The following ZFPM1 variants were observed in gnomAD, a reference collection of about 807,000 sequenced individuals.
ZFPM1 encodes the protein zinc finger protein ZFPM1.
In ZFPM1, 28 loss-of-function variants were observed where a neutral mutation model predicts 46.3. The observed-to-expected ratio is 0.60, with a 90% CI of 0.45 to 0.83. The LOEUF is 0.83. Among genes scored for constraint, ZFPM1 ranks in the 40% least tolerant of loss-of-function variants. The probability of loss-of-function intolerance (pLI) is 0.00; values close to 1 mark genes in which losing one functional copy is unlikely to be tolerated. For missense variants in ZFPM1, 1,878 were observed against 1,432.4 expected (o/e 1.31, Z -5.02); for synonymous variants, 957 against 675.9 (o/e 1.42, Z -6.45).
In ZFPM1 at chr16:88,453,458, T is replaced by A. The variant is rs1907377166; in HGVS notation, c.-181T>A. The A allele has an allele frequency of 6.1e-6, 1 of 164,514 alleles. No homozygotes were observed. The allele number at this position is 164,514 out of a possible 1,614,324, so 10.2% of individuals were successfully genotyped here. A position where few individuals can be genotyped will look rare whatever the true frequency, so the allele number is the denominator to read the frequency against. The stretch of plus-strand genomic sequence containing the variant: ...ACGCAGGACCGTGGCCTCTCGGGCC[T>A]CCGCGGCAGCTCCAGCGGCTCCGGG... On this transcript the variant is annotated 5_prime_UTR_variant, in exon 1 of 10. Coordinates refer to ENST00000319555, the MANE Select transcript of ZFPM1 (RefSeq NM_153813.3).
rs1044647219 is a variant in ZFPM1, at chr16:88,534,423, G to A, written c.2465G>A (p.Cys822Tyr). The change falls in exon 10 of 10, where the codon TGC (cysteine) becomes TAC (tyrosine). Residue 822 changes from cysteine (C) to tyrosine (Y), a missense_variant. By Grantham distance (194) the Cys-to-Tyr change is radical. Transcript: ENST00000319555. ...GCCGACTACCACGAGTGCACGGCCT[G>A]CCGCGTGAGCTTCCACAGCCTCGAG... Reference protein sequence around the residue: ...ALADYHECTACRVSFHSLEAY... With the variant: ...ALADYHECTAYRVSFHSLEAY... 1.3e-6 allele frequency: 2 copies of A among 1,492,248 alleles called. No individual in the cohort carries two copies. Among genetic ancestry groups the A allele is most frequent in the African/African-American group, 1.5e-5 (1 of 68,546 alleles). 92.4% of individuals were successfully genotyped at this position (1,492,248 alleles called of 1,614,324 possible).
chr16:88,467,895 G>A (rs1260284040), intron 1 of ZFPM1, among the ~76,000 whole-genome samples: 2 of 152,116 alleles, frequency 1.3e-5, no homozygotes, highest in African/African-American at 2.4e-5. Context: ...TGCTATCGCC[G>A]TTATCTATCT....
At chr16:88,465,533 T>C (rs1343082721) in intron 1 of ZFPM1, among the ~76,000 whole-genome samples, 1 of 152,226 alleles carries the variant, frequency 6.6e-6, no homozygotes, top group African/African-American at 2.4e-5. Flanking sequence ...AGGGTGGGCA[T>C]TTCGCCTGTG....
intron 1 of ZFPM1, among the ~76,000 whole-genome samples, chr16:88,461,250 G>C: frequency 8.1e-6 from 1 of 123,962 alleles, no homozygotes; most frequent in Non-Finnish European, 1.7e-5. Context: ...TGGGGCGGGA[G>C]GCCCTGGTGA....
In ZFPM1 at chr16:88,467,625, C is replaced by T. The variant is rs538103659; in HGVS notation, c.40+13947C>T. Among the ~76,000 whole-genome samples the T allele has an allele frequency of 2.2e-4, 33 of 152,336 alleles. No individual in the cohort carries two copies. The South Asian group carries it at 2.3e-3, about 11-fold the overall frequency. On this transcript the variant is annotated intron_variant, in intron 1 of 9. Coordinates refer to ENST00000319555, the MANE Select transcript of ZFPM1 (RefSeq NM_153813.3). ...CTGTCATGCTGGGACCTCCGGACCC[C>T]GGGCCTCGCAGCTGCCTTGGATCCC... is the stretch of plus-strand genomic sequence containing the variant.
At chr16:88,524,104 G>C (rs545192768) in intron 4 of ZFPM1, among the ~76,000 whole-genome samples, 1 of 152,218 alleles carries the variant, frequency 6.6e-6, no homozygotes, top group Non-Finnish European at 1.5e-5. Flanking sequence ...ATATTGGGAC[G>C]AATAATTAGA....
Position 88,532,083 on chromosome 16 carries a change from C to G in ZFPM1, c.794C>G (p.Ala265Gly). 6.2e-7 allele frequency: 1 copy of G among 1,612,488 alleles called. No individual in the cohort carries two copies. The highest frequency in any genetic ancestry group is 8.5e-7 in the Non-Finnish European group (1 of 1,179,764). ...CAGGCGCACCTGCTCTACTACTGCGCCAGCCGCCAGGGCACCGGCTCCCCG... is the reference window on the plus strand; with the variant it reads ...CAGGCGCACCTGCTCTACTACTGCGGCAGCCGCCAGGGCACCGGCTCCCCG... Reference protein sequence around the residue: ...NLQAHLLYYCASRQGTGSPAA... With the variant: ...NLQAHLLYYCGSRQGTGSPAA... Residue 265 changes from alanine (A) to glycine (G), a missense_variant, in exon 7 of 10, where the codon GCC (alanine) becomes GGC (glycine). By Grantham distance (60) the Ala-to-Gly change is moderately conservative. Coordinates refer to ENST00000319555, the MANE Select transcript of ZFPM1 (RefSeq NM_153813.3).
intron 3 of ZFPM1, among the ~76,000 whole-genome samples, chr16:88,512,645 A>G (rs936948984): frequency 6.6e-6 from 1 of 151,690 alleles, no homozygotes; most frequent in Non-Finnish European, 1.5e-5. Flanking sequence ...GGGATTCCAC[A>G]TGCTTCCCTG....
intron 3 of ZFPM1, among the ~76,000 whole-genome samples, chr16:88,509,346 C>T (rs576689761): frequency 1.3e-3 from 191 of 152,366 alleles, no homozygotes; most frequent in African/African-American, 3.7e-3. Flanking sequence ...GCGATGGGGC[C>T]GATTAGATAA....
chr16:88,522,457 C>T (rs1051227428), intron 4 of ZFPM1, among the ~76,000 whole-genome samples: 8 of 152,224 alleles, frequency 5.3e-5, no homozygotes, highest in African/African-American at 1.9e-4. Context: ...AGCAGCCCCA[C>T]GGGGCTTCTG....
Position 88,453,571 on chromosome 16 carries a change from C to CCCCGCCG in ZFPM1, c.-58_-52dup. The stretch of plus-strand genomic sequence containing the variant: ...GAGCGGCCCCGCGGCCCCGCCGCGC[C>CCCCGCCG]CCCGCCGCCCGCCGCCGCCCGCCCG... On this transcript the variant is annotated 5_prime_UTR_variant, in exon 1 of 10. An upstream open reading frame in the 5' UTR loses its in-frame stop. Transcript: ENST00000319555. 1.1e-6 allele frequency: 1 copy of CCCCGCCG among 905,490 alleles called. No homozygotes were observed. The highest frequency in any genetic ancestry group is 1.3e-6 in the Non-Finnish European group (1 of 759,796). The allele number at this position is 905,490 out of a possible 1,614,324, so 56.1% of individuals were successfully genotyped here.
rs1403933246 is a variant in ZFPM1 at position 88,534,228 on chromosome 16, C to T, written c.2270C>T (p.Pro757Leu). The change falls in exon 10 of 10, where the codon CCC (proline) becomes CTC (leucine). Residue 757 changes from proline (P) to leucine (L), a missense_variant. By Grantham distance (98) the Pro-to-Leu change is moderately conservative. Coordinates refer to ENST00000319555, the MANE Select transcript of ZFPM1 (RefSeq NM_153813.3). ...CTGCACGCGGCCGGCGCCCCGCCCC[C>T]CCCGCCGCCCGGCCACGCCCCCGCG... The part of the protein sequence containing the change: ...YELHAAGAPP[P>L]PPPGHAPAPE... The T allele has an allele frequency of 2.0e-6, 2 of 985,646 alleles. No homozygotes were observed. The highest frequency in any genetic ancestry group is 2.4e-6 in the Non-Finnish European group (2 of 831,792). 61.1% of individuals were successfully genotyped at this position (985,646 alleles called of 1,614,324 possible).
At chr16:88,526,178 CGT>C (rs1912301687) in intron 4 of ZFPM1, among the ~76,000 whole-genome samples, 1 of 152,230 alleles carries the variant, frequency 6.6e-6, no homozygotes, top group South Asian at 2.1e-4. Flanking sequence ...CAGCGTCCGC[CGT>C]GTGCCGGCCC....
At chr16:88,459,790 C>G (rs1189334457) in intron 1 of ZFPM1, among the ~76,000 whole-genome samples, 6 of 116,174 alleles carry the variant, frequency 5.2e-5, no homozygotes, top group African/African-American at 2.1e-4. Context: ...CCTCCTCCTC[C>G]CCCTCTTCCT....
rs1020571473 is a variant in ZFPM1 at position 88,514,457 on chromosome 16, G to C, written c.339G>C (p.Leu113=). The change falls in exon 4 of 10, where the codon CTG becomes CTC. Residue 113 remains leucine, a synonymous_variant. Transcript: ENST00000319555. ...CCCGACTCAGCCTCGCCACGGGCCT[G>C]TCCTGGGGCCCGTTCCATGGGAGTG... The part of the protein sequence containing the change: ...IRARLSLATG[L]SWGPFHGSVQ... 2 of 1,559,490 alleles carry C rather than the reference G, an allele frequency of 1.3e-6. No individual in the cohort carries two copies. Among genetic ancestry groups the C allele is most frequent in the East Asian group, 2.4e-5 (1 of 41,830 alleles).
In ZFPM1 at chr16:88,486,022, G is replaced by T. The variant is rs757299002; in HGVS notation, c.124G>T (p.Ala42Ser). The T allele has an allele frequency of 6.2e-7, 1 of 1,612,520 alleles. No homozygotes were observed. Among genetic ancestry groups the T allele is most frequent in the Non-Finnish European group, 8.5e-7 (1 of 1,179,850 alleles). The change falls in exon 2 of 10, where the codon GCC becomes TCC. Residue 42 changes from alanine (A) to serine (S), a missense_variant. Coordinates refer to ENST00000319555, the MANE Select transcript of ZFPM1 (RefSeq NM_153813.3). Reference sequence around the variant, plus strand: ...GGAGCAAAAGGCCACGGCACCTGAAGCCCCGAGCCCTCCCAGCGCAGGTGA... The same window carrying T: ...GGAGCAAAAGGCCACGGCACCTGAATCCCCGAGCCCTCCCAGCGCAGGTGA... ...HMEQKATAPE[A>S]PSPPSADVNS...
chr16:88,489,193 G>A (rs780275593), intron 3 of ZFPM1, 40 bp downstream of exon 3: 267 of 1,551,812 alleles, frequency 1.7e-4, no homozygotes, highest in Non-Finnish European at 2.0e-4. Context: ...ATCGCCTCCC[G>A]GGCAGCCTGG....
At chr16:88,527,909 C>G in intron 5 of ZFPM1, 123 bp from the exon 6 acceptor site, 7 of 1,002,310 alleles carry the variant, frequency 7.0e-6, no homozygotes, top group Non-Finnish European at 9.8e-6. Context: ...GCCCTGGCAG[C>G]CAGCCAGCCA....
intron 6 of ZFPM1, among the ~76,000 whole-genome samples, chr16:88,528,634 C>G (rs1451166522): frequency 1.3e-5 from 2 of 152,218 alleles, no homozygotes; most frequent in African/African-American, 4.8e-5. Context: ...GGAGGTGTCC[C>G]TGGACACCAC....
Sources: gnomAD v4.1 joint callset for allele counts (sites outside exome capture counted in the v4.1 genomes callset) on GRCh38, gnomAD v4.1.1 for gene constraint, MANE v1.5 for transcripts, NCBI Gene and HGNC (gene_info 2026-07-23, HGNC 2026-07-21) for gene names.